IMMP2L: variants seen among roughly 807,000 people sequenced by gnomAD.
IMMP2L encodes the protein inner mitochondrial membrane peptidase subunit 2.
In IMMP2L, 18 loss-of-function variants were observed where a neutral mutation model predicts 19.3. The ratio of observed to expected loss-of-function variants is 0.93; its 90% confidence interval spans 0.64 to 1.38. The LOEUF is 1.38. Among genes scored for constraint, IMMP2L ranks in the 40% most tolerant of loss-of-function variants. The probability of loss-of-function intolerance (pLI) is 0.00; values close to 1 mark genes in which losing one functional copy is unlikely to be tolerated. For missense variants in IMMP2L, 233 were observed against 218.2 expected, an observed-to-expected ratio of 1.07 and a Z score of -0.43; for synonymous variants, 76 against 73.0, an observed-to-expected ratio of 1.04 and a Z score of -0.21.
At chr7:110,764,117 T>C (rs997102925) in intron 5 of IMMP2L, among the ~76,000 whole-genome samples, 4 of 152,108 alleles carry the variant, frequency 2.6e-5, no homozygotes, top group African/African-American at 9.6e-5. Flanking sequence ...AAAACTGACT[T>C]GAATACAAGG....
At chr7:111,027,159 G>A (rs1826919705) in intron 3 of IMMP2L, among the ~76,000 whole-genome samples, 1 of 152,070 alleles carries the variant, frequency 6.6e-6, no homozygotes. Context: ...GCCCACTGCA[G>A]TTTCTCAAAT....
At chr7:111,170,787 G>A (rs75364009) in intron 3 of IMMP2L, among the ~76,000 whole-genome samples, 12,429 of 151,524 alleles carry the variant, frequency 0.082, 630 homozygotes, top group African/African-American at 0.13. Context: ...GAGGATCATC[G>A]GCAGTTTTGT....
chr7:110,941,438 CACAA>C (rs1369470443), intron 4 of IMMP2L, among the ~76,000 whole-genome samples: 1 of 152,164 alleles, frequency 6.6e-6, no homozygotes, highest in Non-Finnish European at 1.5e-5. Flanking sequence ...TTTTGCTTTA[CACAA>C]ACAAAAGACA....
chr7:111,140,535 T>C (rs1473338555), intron 3 of IMMP2L, among the ~76,000 whole-genome samples: 1 of 152,202 alleles, frequency 6.6e-6, no homozygotes, highest in African/African-American at 2.4e-5. Context: ...ATATTCACTG[T>C]TGAATAAACT....
chr7:111,211,117 G>A (rs1305309678), intron 3 of IMMP2L, among the ~76,000 whole-genome samples: 1 of 152,060 alleles, frequency 6.6e-6, no homozygotes, highest in Non-Finnish European at 1.5e-5. Flanking sequence ...AGAAATACAA[G>A]AAAACTATAA....
intron 3 of IMMP2L, among the ~76,000 whole-genome samples, chr7:111,418,165 G>A (rs982028368): frequency 2.0e-5 from 3 of 151,808 alleles, no homozygotes; most frequent in Middle Eastern, 3.4e-3. Flanking sequence ...CATCTTTTAC[G>A]AAATTGTAAT....
intron 3 of IMMP2L, among the ~76,000 whole-genome samples, chr7:111,153,410 T>C (rs1171523621): frequency 6.6e-6 from 1 of 152,098 alleles, no homozygotes; most frequent in African/African-American, 2.4e-5. Context: ...GTAAATAGTA[T>C]AACTTTCTGT....
At chr7:111,024,295 G>A (rs772978822) in intron 3 of IMMP2L, among the ~76,000 whole-genome samples, 3 of 152,122 alleles carry the variant, frequency 2.0e-5, no homozygotes, top group South Asian at 4.1e-4. Context: ...TTCCAGAGTC[G>A]AGTAGTTTCC....
At chr7:110,948,203 CATT>C (rs748660788) in intron 4 of IMMP2L, among the ~76,000 whole-genome samples, 1 of 152,092 alleles carries the variant, frequency 6.6e-6, no homozygotes, top group African/African-American at 2.4e-5. Context: ...AGAAATCTAT[CATT>C]AATATTTCTT....
intron 3 of IMMP2L, among the ~76,000 whole-genome samples, chr7:111,402,788 A>C (rs557303060): frequency 6.6e-6 from 1 of 152,108 alleles, no homozygotes; most frequent in Non-Finnish European, 1.5e-5. Flanking sequence ...AAGAATCTGC[A>C]TATCTGTATA....
chr7:111,099,323 T>C lies in IMMP2L; in HGVS notation c.240-135758A>G, dbSNP rs143024896. Among the ~76,000 whole-genome samples, 85 of 151,792 alleles carry C rather than the reference T, an allele frequency of 5.6e-4. 2 individuals carry two copies. Among genetic ancestry groups the C allele is most frequent in the African/African-American group, 1.8e-3 (75 of 41,500 alleles). On this transcript the variant is annotated intron_variant, in intron 3 of 5. Coordinates refer to ENST00000405709, the MANE Select transcript of IMMP2L (RefSeq NM_032549.4). ...CTCTTTTAAATGATGAAGATGAAAA[T>C]AGTCTGAATACAATTTCATTGCTAC...
At chr7:111,480,814 T>C (rs1585279710) in intron 3 of IMMP2L, among the ~76,000 whole-genome samples, 1 of 152,142 alleles carries the variant, frequency 6.6e-6, no homozygotes. Flanking sequence ...GCTCAATTGA[T>C]AACTGGCTTT....
intron 3 of IMMP2L, among the ~76,000 whole-genome samples, chr7:111,273,804 G>A (rs1228175193): frequency 6.6e-5 from 10 of 152,088 alleles, no homozygotes; most frequent in African/African-American, 2.4e-4. Flanking sequence ...TTTGGCTGGA[G>A]CATAGTGGCA....
chr7:110,748,128 C>G (rs1342183206), intron 5 of IMMP2L, among the ~76,000 whole-genome samples: 2 of 151,884 alleles, frequency 1.3e-5, no homozygotes, highest in Non-Finnish European at 2.9e-5. Flanking sequence ...AGCCAAATCA[C>G]AAGTAACTCC....
intron 5 of IMMP2L, among the ~76,000 whole-genome samples, chr7:110,673,983 T>C (rs910508083): frequency 2.0e-5 from 3 of 152,170 alleles, no homozygotes; most frequent in Non-Finnish European, 2.9e-5. Context: ...TTTTGGGGTA[T>C]CTTTAAGCAG....
chr7:110,735,073 G>A (rs540451681), intron 5 of IMMP2L, among the ~76,000 whole-genome samples: 4 of 152,204 alleles, frequency 2.6e-5, no homozygotes, highest in South Asian at 4.1e-4. Flanking sequence ...TAGCCAGCTC[G>A]GGAATAATAA....
At chr7:111,296,366 G>C (rs995306494) in intron 3 of IMMP2L, among the ~76,000 whole-genome samples, 2 of 151,720 alleles carry the variant, frequency 1.3e-5, no homozygotes, top group Non-Finnish European at 3.0e-5. Flanking sequence ...GATAATACTA[G>C]ACACAAACAG....
intron 3 of IMMP2L, among the ~76,000 whole-genome samples, chr7:111,368,408 C>G (rs1463589766): frequency 6.6e-6 from 1 of 151,954 alleles, no homozygotes; most frequent in Admixed American, 6.6e-5. Flanking sequence ...AACCCAAGTT[C>G]AGTCAGTCAG....
chr7:111,286,600 G>A (rs967442078), intron 3 of IMMP2L, among the ~76,000 whole-genome samples: 1 of 152,112 alleles, frequency 6.6e-6, no homozygotes, highest in South Asian at 2.1e-4. Context: ...AGGACAAAGT[G>A]GCATAGAGTT....
Sources: allele counts gnomAD v4.1 joint callset (sites outside exome capture counted in the v4.1 genomes callset), GRCh38; gene constraint gnomAD v4.1.1; transcripts MANE v1.5; gene names NCBI Gene and HGNC (gene_info 2026-07-23, HGNC 2026-07-21).